Variants in MYRF observed in about 807,000 individuals in gnomAD.
MYRF encodes the protein myelin gene regulatory factor.
Under a neutral mutation model 126.3 loss-of-function variants are expected in MYRF, and 16 were observed. That is an observed-to-expected ratio of 0.13 (90% CI 0.09 to 0.19). The LOEUF is 0.19. Among genes scored for constraint, MYRF ranks in the 10% least tolerant of loss-of-function variants. The probability of loss-of-function intolerance (pLI) is 1.00; values close to 1 mark genes in which losing one functional copy is unlikely to be tolerated. For missense variants in MYRF, 1,104 were observed against 1,547.0 expected, an observed-to-expected ratio of 0.71 and a Z score of 4.80; for synonymous variants, 608 against 635.3, an observed-to-expected ratio of 0.96 and a Z score of 0.65.
intron 25 of MYRF, 67 bp from the exon 26 acceptor site, chr11:61,785,733 G>GTCC: frequency 7.3e-7 from 1 of 1,369,006 alleles, no homozygotes; most frequent in Admixed American, 1.7e-5. Flanking sequence ...TGCGACGGCC[G>GTCC]TGGTGAGAGA....
chr11:61,770,343 A>G lies in MYRF; in HGVS notation c.558A>G (p.Pro186=). 7 of 1,330,260 alleles carry G rather than the reference A, an allele frequency of 5.3e-6. No homozygotes were observed. Among genetic ancestry groups the G allele is most frequent in the South Asian group, 1.3e-5 (1 of 75,422 alleles). The allele number at this position is 1,330,260 out of a possible 1,614,324, so 82.4% of individuals were successfully genotyped here. ...CGCCCCCACCTCCAGCCCACTTGCC[A>G]GGCCCCCCGCCACCCCCACCACCCC... ...EHPPPPPAHL[P]GPPPPPPPPP... The change falls in exon 5 of 27, where the codon CCA becomes CCG. Residue 186 remains proline (P), a synonymous_variant. Transcript: ENST00000278836.
Position 61,770,311 on chromosome 11 carries a change from G to A in MYRF, c.526G>A (p.Glu176Lys). ...CCACGTGGGAGTGCCCTCCCGCCTG[G>A]AGCATCCGCCCCCACCTCCAGCCCA... ...LCHVGVPSRL[E>K]HPPPPPAHLP... The change falls in exon 5 of 27, where the codon GAG (glutamate) becomes AAG (lysine). Residue 176 changes from glutamate to lysine, a missense_variant. Glu to Lys is a moderately conservative substitution (Grantham distance 56). Around this residue, in one of 10 missense-constraint regions of MYRF, gnomAD observed 368 missense variants for 403.9 expected, o/e 0.91. Coordinates refer to ENST00000278836, the MANE Select transcript of MYRF (RefSeq NM_001127392.3). The A allele has an allele frequency of 2.5e-6, 4 of 1,600,404 alleles. No homozygotes were observed. Among genetic ancestry groups the A allele is most frequent in the South Asian group, 2.2e-5 (2 of 89,094 alleles).
At chr11:61,772,003 C>T (rs552626261) in intron 7 of MYRF, 51 bp downstream of exon 7, 105 of 1,605,840 alleles carry the variant, frequency 6.5e-5, no homozygotes, top group South Asian at 5.7e-4. Flanking sequence ...CACCTTGGGA[C>T]GCCCCAGCCC....
At position 61,784,377 on chromosome 11, in the gene MYRF, G is replaced by A. The variant is rs761234804; in HGVS notation, c.3292G>A (p.Asp1098Asn). Residue 1098 changes from aspartate (D) to asparagine (N), a missense_variant, in exon 25 of 27, where the codon GAC (aspartate) becomes AAC (asparagine). Around this residue, in one of 10 missense-constraint regions of MYRF, gnomAD observed 94 missense variants for 164.6 expected, o/e 0.57. Transcript: ENST00000278836. ...SLPQSLHTHQ[D>N]TQGTSHRWPI... ...TCCACAGAGTCTCCACACCCACCAG[G>A]ACACCCAGGTAGGTGGGACTGGGAA... The A allele has an allele frequency of 6.2e-7, 1 of 1,613,472 alleles. No individual in the cohort carries two copies. Among genetic ancestry groups the A allele is most frequent in the Admixed American group, 1.7e-5 (1 of 60,008 alleles).
In MYRF at chr11:61,771,623, C is replaced by A. The variant is rs748401325; in HGVS notation, c.864C>A (p.His288Gln). 5.6e-6 allele frequency: 9 copies of A among 1,614,012 alleles called. No individual in the cohort carries two copies. In the South Asian group the frequency reaches 7.7e-5, roughly 14 times the overall value. ...EPGTVTALPLHPTRAPSPPWP... is the reference protein window; with the variant it reads ...EPGTVTALPLQPTRAPSPPWP... ...GGACCGTGACAGCCCTGCCTCTGCA[C>A]CCCACTCGAGCCCCATCGCCACCCT... The change falls in exon 6 of 27, where the codon CAC becomes CAA. Residue 288 changes from histidine to glutamine, a missense_variant. Physicochemically the swap from His to Gln is conservative, Grantham distance 24. Coordinates refer to ENST00000278836, the MANE Select transcript of MYRF (RefSeq NM_001127392.3).
Position 61,765,555 on chromosome 11 carries a change from G to C in MYRF, c.47-70G>C, listed in dbSNP as rs989804523. The stretch of plus-strand genomic sequence containing the variant: ...GGGCCAGCCTGGGCAGGGATGGAGG[G>C]CTGGGCCCTGAAGCCCAGGGTCTGC... On this transcript the variant is annotated intron_variant, in intron 1 of 26. Coordinates refer to ENST00000278836, the MANE Select transcript of MYRF (RefSeq NM_001127392.3). The C allele has an allele frequency of 6.2e-6, 8 of 1,292,706 alleles. No individual in the cohort carries two copies. The Admixed American group carries it at 8.0e-5, about 13-fold the overall frequency. The allele number at this position is 1,292,706 out of a possible 1,614,324, so 80.1% of individuals were successfully genotyped here. A position where few individuals can be genotyped will look rare whatever the true frequency, so the allele number is the denominator to read the frequency against.
rs750153087 is a variant in MYRF, at chr11:61,781,014, G to A, written c.2541G>A (p.Gly847=). 5 of 1,610,054 alleles carry A rather than the reference G, an allele frequency of 3.1e-6. No homozygotes were observed. In the Admixed American group the frequency reaches 5.0e-5, roughly 16 times the overall value. The change falls in exon 20 of 27, where the codon GGG becomes GGA. Residue 847 remains glycine (G), a synonymous_variant. Coordinates refer to ENST00000278836, the MANE Select transcript of MYRF (RefSeq NM_001127392.3). ...TCCGACAGTCCCCCTTGACCACGGG[G>A]CTACCAGGCATACAGCCCTCTTTGC... ...TQLRQSPLTT[G]LPGIQPSLLL...
chr11:61,775,402 T>A (rs1286949832), intron 8 of MYRF, among the ~76,000 whole-genome samples: 1 of 152,088 alleles, frequency 6.6e-6, no homozygotes, highest in African/African-American at 2.4e-5. Flanking sequence ...CCAGGCAGAC[T>A]CCATGCTGGT....
At chr11:61,753,590 T>A (rs1415209957) in intron 1 of MYRF, among the ~76,000 whole-genome samples, 1 of 152,030 alleles carries the variant, frequency 6.6e-6, no homozygotes, top group African/African-American at 2.4e-5. Flanking sequence ...CTCAGCACTA[T>A]GTCCCCCCAA....
chr11:61,777,251 C>G lies in MYRF; in HGVS notation c.1591-13C>G. 6.2e-7 allele frequency: 1 copy of G among 1,609,502 alleles called. No homozygotes were observed. Among genetic ancestry groups the G allele is most frequent in the Non-Finnish European group, 8.5e-7 (1 of 1,179,168 alleles). On this transcript the variant is annotated splice_polypyrimidine_tract_variant and intron_variant, in intron 11 of 26. Transcript: ENST00000278836. The surrounding 1 kb of genome is among the most constrained non-coding windows in gnomAD (Gnocchi z 8.8). The stretch of plus-strand genomic sequence containing the variant: ...CTATCCCCCAGGACTGATCCAGCCC[C>G]AACTCGCGGTAGGCCTCCAACCCAG...
chr11:61,760,219 G>A (rs528193450), intron 1 of MYRF, among the ~76,000 whole-genome samples: 58 of 152,204 alleles, frequency 3.8e-4, no homozygotes, highest in Admixed American at 9.2e-4. Flanking sequence ...TGCCCACCTC[G>A]GCCTCCCAAA....
At position 61,776,209 on chromosome 11, in the gene MYRF, G is replaced by A. The variant is rs1480851798; in HGVS notation, c.1388+77G>A. On this transcript the variant is annotated intron_variant, in intron 9 of 26. Transcript: ENST00000278836. The surrounding 1 kb of genome is among the most constrained non-coding windows in gnomAD (Gnocchi z 4.3). ...GCTGGCTTGGGAATGGAGGGGCCAGGGAGGTACCCAGGGTGTCCGCCTCAT... is the reference window on the plus strand; with the variant it reads ...GCTGGCTTGGGAATGGAGGGGCCAGAGAGGTACCCAGGGTGTCCGCCTCAT... The A allele has an allele frequency of 1.0e-5, 16 of 1,587,324 alleles. No homozygotes were observed. Among genetic ancestry groups the A allele is most frequent in the South Asian group, 3.3e-5 (3 of 90,410 alleles).
Position 61,781,773 on chromosome 11 carries a change from C to T in MYRF, c.2965C>T (p.Leu989Phe), listed in dbSNP as rs1431994445. 6.2e-7 allele frequency: 1 copy of T among 1,609,384 alleles called. No homozygotes were observed. Among genetic ancestry groups the T allele is most frequent in the South Asian group, 1.1e-5 (1 of 90,688 alleles). The change falls in exon 22 of 27, where the codon CTC becomes TTC. Residue 989 changes from leucine (L) to phenylalanine (F), a missense_variant. Leu to Phe is a conservative substitution (Grantham distance 22). Around this residue, in one of 10 missense-constraint regions of MYRF, gnomAD observed 323 missense variants for 383.1 expected, o/e 0.84. Transcript: ENST00000278836. ...CCATGGCCGGGCCCGCCGAGGGGCC[C>T]TCCAGTCCAGCGTGGGCCCTGCTGA... ...GFHGRARRGA[L>F]QSSVGPAEPT... is the part of the protein sequence containing the mutation.
At chr11:61,785,570 C>T (rs981419242) in intron 25 of MYRF, 2 of 574,160 alleles carry the variant, frequency 3.5e-6, no homozygotes, top group African/African-American at 3.8e-5. Context: ...AGGCAGGGGC[C>T]AGGTGGAGGT....
chr11:61,785,541 C>T (rs2066672433), intron 25 of MYRF: 3 of 545,074 alleles, frequency 5.5e-6, no homozygotes, highest in Non-Finnish European at 9.9e-6. Context: ...GGGAACCCAG[C>T]ACAACAGGAC....
In MYRF at chr11:61,776,750, A is replaced by C; in HGVS notation, c.1500-37A>C. 6.6e-7 allele frequency: 1 copy of C among 1,505,850 alleles called. No homozygotes were observed. The highest frequency in any genetic ancestry group is 9.0e-7 in the Non-Finnish European group (1 of 1,107,974). The allele number at this position is 1,505,850 out of a possible 1,614,324, so 93.3% of individuals were successfully genotyped here. A position where few individuals can be genotyped will look rare whatever the true frequency, so the allele number is the denominator to read the frequency against. ...AAAGGGTGGCCCTGGGGGCGGGGGC[A>C]GGCCATGAGTACTTCTGAGACCCCT... On this transcript the variant is annotated intron_variant, in intron 10 of 26. Coordinates refer to ENST00000278836, the MANE Select transcript of MYRF (RefSeq NM_001127392.3). This position sits in a 1 kb window ranked among gnomAD's most constrained non-coding sequence, Gnocchi z 4.3.
chr11:61,760,989 G>A (rs1338728669), intron 1 of MYRF, among the ~76,000 whole-genome samples: 2 of 152,186 alleles, frequency 1.3e-5, no homozygotes, highest in Non-Finnish European at 2.9e-5. Context: ...AGCAACTGGG[G>A]TTGTCGGAAA....
Position 61,777,069 on chromosome 11 carries a change from G to A in MYRF, c.1590+192G>A, listed in dbSNP as rs1363180875. Among the ~76,000 whole-genome samples, 1 of 152,136 alleles carries A rather than the reference G, an allele frequency of 6.6e-6. No homozygotes were observed. Among genetic ancestry groups the A allele is most frequent in the Non-Finnish European group, 1.5e-5 (1 of 68,020 alleles). The stretch of plus-strand genomic sequence containing the variant: ...TCCACAGTAAAGCAGGGAGGTGGAC[G>A]AAGCCTGGTAGCTTCTGGGATCCCA... On this transcript the variant is annotated intron_variant, in intron 11 of 26. Coordinates refer to ENST00000278836, the MANE Select transcript of MYRF (RefSeq NM_001127392.3). The surrounding 1 kb of genome is among the most constrained non-coding windows in gnomAD (Gnocchi z 8.8).
At chr11:61,775,227 C>T (rs2066343205) in intron 8 of MYRF, among the ~76,000 whole-genome samples, 1 of 152,202 alleles carries the variant, frequency 6.6e-6, no homozygotes. Context: ...CCAAGGCCCC[C>T]AGTGTCCTCC....
Sources: allele counts gnomAD v4.1 joint callset (sites outside exome capture counted in the v4.1 genomes callset), GRCh38; gene constraint gnomAD v4.1.1; regional missense constraint gnomAD v4.1.1; non-coding constraint Gnocchi (gnomAD v3.1); transcripts MANE v1.5; gene names NCBI Gene and HGNC (gene_info 2026-07-23, HGNC 2026-07-21).